SLC1A2: variants seen among roughly 807,000 people sequenced by gnomAD.
SLC1A2 encodes solute carrier family 1 member 2, also known as excitatory amino acid transporter 2.
A neutral mutation model predicts 48.8 loss-of-function variants in SLC1A2; 15 were observed. The observed-to-expected ratio is 0.31, with a 90% CI of 0.21 to 0.47. SLC1A2 has a LOEUF of 0.47. Among genes scored for constraint, SLC1A2 ranks in the 20% least tolerant of loss-of-function variants. The pLI, the probability that SLC1A2 is intolerant of heterozygous loss-of-function variation, is 0.99. For missense variants in SLC1A2, 502 were observed against 730.5 expected, an observed-to-expected ratio of 0.69 and a Z score of 3.61; for synonymous variants, 279 against 272.6, an observed-to-expected ratio of 1.02 and a Z score of -0.23.
At chr11:35,415,177 A>G (rs1309010653) in intron 1 of SLC1A2, among the ~76,000 whole-genome samples, 1 of 152,222 alleles carries the variant, frequency 6.6e-6, no homozygotes, top group Non-Finnish European at 1.5e-5. Flanking sequence ...TGTCTGACAC[A>G]TCCTTTAAAG....
Position 35,322,764 on chromosome 11 carries a change from C to A in SLC1A2, c.18-5248G>T. The A allele has an allele frequency of 2.5e-6, 2 of 793,398 alleles. 1 individual carries two copies. The highest frequency in any genetic ancestry group is 2.9e-5 in the South Asian group (2 of 69,330). The allele number at this position is 793,398 out of a possible 1,614,324, so 49.1% of individuals were successfully genotyped here. A position where few individuals can be genotyped will look rare whatever the true frequency, so the allele number is the denominator to read the frequency against. On this transcript the variant is annotated intron_variant, in intron 1 of 10. Transcript: ENST00000278379. ...TATTTGGATAAGAATGCTGGAAATA[C>A]CTGTTGCATCAGCTCGAGCACCAAG...
chr11:35,390,272 G>A (rs1467386747), intron 1 of SLC1A2, among the ~76,000 whole-genome samples: 3 of 152,166 alleles, frequency 2.0e-5, no homozygotes, highest in South Asian at 2.1e-4. Context: ...ATGTCTCAGC[G>A]CACACCCACA....
intron 1 of SLC1A2, among the ~76,000 whole-genome samples, chr11:35,342,453 C>T (rs1398628200): frequency 6.6e-6 from 1 of 152,130 alleles, no homozygotes; most frequent in Non-Finnish European, 1.5e-5. Context: ...AAAATCAAAG[C>T]AGTTTGTCTA....
At chr11:35,360,828 G>A (rs1166798697) in intron 1 of SLC1A2, among the ~76,000 whole-genome samples, 1 of 151,912 alleles carries the variant, frequency 6.6e-6, no homozygotes, top group African/African-American at 2.4e-5. Flanking sequence ...GTGCCTCTCA[G>A]AACACTAATC....
intron 1 of SLC1A2, among the ~76,000 whole-genome samples, chr11:35,341,897 T>C (rs1239447821): frequency 6.6e-6 from 1 of 152,238 alleles, no homozygotes; most frequent in Non-Finnish European, 1.5e-5. Flanking sequence ...TAAATTCTGA[T>C]ATATTTTGAT....
At chr11:35,284,112 A>ATATATATATATATATATATATATATAT (rs1355573961) in intron 8 of SLC1A2, among the ~76,000 whole-genome samples, 9 of 91,388 alleles carry the variant, frequency 9.8e-5, no homozygotes, top group Non-Finnish European at 1.9e-4. Context: ...TATATATATA[A>ATATATATATATATATATATATATATAT]ATTATTATTT....
At chr11:35,277,181 C>G (rs1850467425) in intron 9 of SLC1A2, among the ~76,000 whole-genome samples, 1 of 152,192 alleles carries the variant, frequency 6.6e-6, no homozygotes, top group South Asian at 2.1e-4. Context: ...TTGGACTGGA[C>G]AAATATTCAA....
intron 5 of SLC1A2, among the ~76,000 whole-genome samples, chr11:35,303,977 A>T (rs1348502269): frequency 6.6e-6 from 1 of 152,208 alleles, no homozygotes; most frequent in Non-Finnish European, 1.5e-5. Flanking sequence ...TTCAGCCATG[A>T]TTTGTAAATG....
chr11:35,340,644 G>A (rs1208593169), intron 1 of SLC1A2, among the ~76,000 whole-genome samples: 1 of 152,150 alleles, frequency 6.6e-6, no homozygotes, highest in Non-Finnish European at 1.5e-5. Flanking sequence ...AATTAGATGG[G>A]ATCACTTCCA....
intron 1 of SLC1A2, among the ~76,000 whole-genome samples, chr11:35,361,861 C>T (rs1590229080): frequency 6.6e-6 from 1 of 152,124 alleles, no homozygotes; most frequent in East Asian, 1.9e-4. Context: ...CCTGCAGTCT[C>T]AGCTACTCCA....
At chr11:35,294,248 CA>C (rs1278494432) in intron 6 of SLC1A2, among the ~76,000 whole-genome samples, 1 of 152,216 alleles carries the variant, frequency 6.6e-6, no homozygotes, top group East Asian at 1.9e-4. Context: ...GTAACTGACA[CA>C]AATTAGTTAA....
Position 35,251,692 on chromosome 11 carries a change from T to G in SLC1A2, c.*9202A>C, listed in dbSNP as rs549753270. ...TGAAAGGAGTTGAAGAAGCCACATT[T>G]TCAAGGAAAAATTAGCCTGTCCACC... On this transcript the variant is annotated 3_prime_UTR_variant, in exon 11 of 11. Transcript: ENST00000278379. 6.5e-6 allele frequency: 1 copy of G among 152,718 alleles called. No homozygotes were observed. The highest frequency in any genetic ancestry group is 1.9e-4 in the East Asian group (1 of 5,184). The allele number at this position is 152,718 out of a possible 1,614,324, so 9.5% of individuals were successfully genotyped here.
In SLC1A2 at chr11:35,419,038, G is replaced by T; in HGVS notation, c.-72C>A. 2.8e-6 allele frequency: 4 copies of T among 1,433,462 alleles called. No homozygotes were observed. Among genetic ancestry groups the T allele is most frequent in the Non-Finnish European group, 3.8e-6 (4 of 1,048,626 alleles). 88.8% of individuals were successfully genotyped at this position (1,433,462 alleles called of 1,614,324 possible). On this transcript the variant is annotated 5_prime_UTR_variant, in exon 1 of 11. Coordinates refer to ENST00000278379, the MANE Select transcript of SLC1A2 (RefSeq NM_004171.4). This position sits in a 1 kb window ranked among gnomAD's most constrained non-coding sequence, Gnocchi z 5.4. Reference sequence around the variant, plus strand: ...GGCGAGGGAGAAAGCGGACGCCGGGGTGAGCGCGAAGTGCGGCCGGGAGCG... The same window carrying T: ...GGCGAGGGAGAAAGCGGACGCCGGGTTGAGCGCGAAGTGCGGCCGGGAGCG...
At chr11:35,294,765 G>A (rs1051165206) in intron 6 of SLC1A2, among the ~76,000 whole-genome samples, 1 of 152,196 alleles carries the variant, frequency 6.6e-6, no homozygotes, top group African/African-American at 2.4e-5. Context: ...ATGCATTTGG[G>A]CCACAGACAG....
At chr11:35,416,941 G>A (rs562472489) in intron 1 of SLC1A2, among the ~76,000 whole-genome samples, 9 of 152,144 alleles carry the variant, frequency 5.9e-5, no homozygotes, top group Non-Finnish European at 8.8e-5. Flanking sequence ...CCCCCAACTC[G>A]GAGTTCCTCA....
chr11:35,282,238 CT>C (rs2134692657), intron 8 of SLC1A2, among the ~76,000 whole-genome samples: 1 of 152,232 alleles, frequency 6.6e-6, no homozygotes, highest in African/African-American at 2.4e-5. Context: ...GCTCAGAGCA[CT>C]CCAATTTCCT....
chr11:35,394,942 G>A (rs115824536), intron 1 of SLC1A2, among the ~76,000 whole-genome samples: 3 of 152,176 alleles, frequency 2.0e-5, no homozygotes, highest in African/African-American at 4.8e-5. Context: ...AAGTGTCCTC[G>A]GAGATCTGTA....
In SLC1A2 at chr11:35,260,905, G is replaced by A. The variant is rs760172288; in HGVS notation, c.1714C>T (p.Arg572Cys). The A allele has an allele frequency of 7.4e-6, 12 of 1,612,230 alleles. No homozygotes were observed. The highest frequency in any genetic ancestry group is 3.3e-5 in the South Asian group (3 of 91,040). The change falls in exon 11 of 11, where the codon CGT (arginine) becomes TGT (cysteine). Residue 572 changes from arginine (R) to cysteine (C), a missense_variant. By Grantham distance (180) the Arg-to-Cys change is radical. This residue lies in a region of SLC1A2 where 102 missense variants were observed against 107.2 expected (regional missense o/e 0.95). Coordinates refer to ENST00000278379, the MANE Select transcript of SLC1A2 (RefSeq NM_004171.4). ...TGAGACTCATATCCTTATTTCTCACGTTTCCAAGGTTCTTCCTCAACACTG... is the reference window on the plus strand; with the variant it reads ...TGAGACTCATATCCTTATTTCTCACATTTCCAAGGTTCTTCCTCAACACTG... ...DCSVEEEPWK[R>C]EK
Position 35,371,996 on chromosome 11 carries a change from G to A in SLC1A2, c.17+46954C>T, listed in dbSNP as rs193150839. ...CCACTAATACTCCTGGACAATGCAT[G>A]AAGAAGCCTTGGGGTCTGGCCCAGC... On this transcript the variant is annotated intron_variant, in intron 1 of 10. Coordinates refer to ENST00000278379, the MANE Select transcript of SLC1A2 (RefSeq NM_004171.4). Among the ~76,000 whole-genome samples, 15 of 152,358 alleles carry A rather than the reference G, an allele frequency of 9.8e-5. No homozygotes were observed. The East Asian group carries it at 2.9e-3, about 29-fold the overall frequency.
Sources: gnomAD v4.1 joint callset for allele counts (sites outside exome capture counted in the v4.1 genomes callset) on GRCh38, gnomAD v4.1.1 for gene constraint, gnomAD v4.1.1 regional missense constraint, Gnocchi (gnomAD v3.1) non-coding constraint, MANE v1.5 for transcripts, NCBI Gene and HGNC (gene_info 2026-07-23, HGNC 2026-07-21) for gene names.